NPLOC4: variants seen among roughly 807,000 people sequenced by gnomAD.
NPLOC4 encodes the protein NPL4 homolog, ubiquitin recognition factor, also known as nuclear protein localization protein 4 homolog.
NPLOC4 carries 18 observed loss-of-function variants against 80.6 expected under a neutral mutation model. That is an observed-to-expected ratio of 0.22 (90% CI 0.15 to 0.33). The LOEUF is 0.33. Ranked by LOEUF, NPLOC4 falls within the 10% of genes least tolerant of loss-of-function variation. The pLI is 1.00. For synonymous variants in NPLOC4, 313 were observed against 301.5 expected (o/e 1.04, Z -0.39); for missense variants, 540 against 786.1 (o/e 0.69, Z 3.74).
At chr17:81,569,769 C>T (rs1269014630) in intron 13 of NPLOC4, among the ~76,000 whole-genome samples, 1 of 152,224 alleles carries the variant, frequency 6.6e-6, no homozygotes. Flanking sequence ...CAGTCCTTCA[C>T]TGGCTCAGAC....
intron 12 of NPLOC4, among the ~76,000 whole-genome samples, chr17:81,579,897 A>AC (rs2034394419): frequency 6.8e-6 from 1 of 147,900 alleles, no homozygotes; most frequent in African/African-American, 2.5e-5. Flanking sequence ...CTGTGAGCTC[A>AC]CCCCCCATTC....
intron 1 of NPLOC4, 75 bp from the exon 2 acceptor site, chr17:81,629,880 G>C (rs2035886486): frequency 9.1e-7 from 1 of 1,100,582 alleles, no homozygotes; most frequent in South Asian, 1.3e-5. Flanking sequence ...TTCCATCTGT[G>C]GTCTTTTAGC....
intron 13 of NPLOC4, among the ~76,000 whole-genome samples, chr17:81,570,657 C>T (rs922173541): frequency 2.0e-5 from 3 of 152,302 alleles, no homozygotes; most frequent in African/African-American, 7.2e-5. Flanking sequence ...CAGATGATGC[C>T]CCCAGAACCC....
At position 81,617,016 on chromosome 17, in the gene NPLOC4, C is replaced by T. The variant is rs368473509; in HGVS notation, c.210-3522G>A. The stretch of plus-strand genomic sequence containing the variant: ...CAGCTAGACCGCATGCCAGGTCCCA[C>T]CGATGCATCTACAGCAATGCAGGGG... On this transcript the variant is annotated intron_variant, in intron 3 of 16. Coordinates refer to ENST00000331134, the MANE Select transcript of NPLOC4 (RefSeq NM_017921.4). Among the ~76,000 whole-genome samples the T allele has an allele frequency of 1.3e-3, 194 of 152,276 alleles. 6 individuals are homozygous for T. In the South Asian group the frequency reaches 0.039, roughly 31 times the overall value.
intron 13 of NPLOC4, 126 bp from the exon 14 acceptor site, chr17:81,569,237 A>G (rs1216979981): frequency 1.6e-6 from 1 of 643,032 alleles, no homozygotes; most frequent in Non-Finnish European, 2.8e-6. Flanking sequence ...AATGTTCTAC[A>G]AGCTCTCCAT....
At position 81,629,743 on chromosome 17, in the gene NPLOC4, T is replaced by C; in HGVS notation, c.78A>G (p.Ala26=). The C allele has an allele frequency of 1.9e-6, 3 of 1,613,742 alleles. No homozygotes were observed. Among genetic ancestry groups the C allele is most frequent in the Non-Finnish European group, 2.5e-6 (3 of 1,179,650 alleles). ...KRITATKRET[A]ATFLKKVAKE... ...CAGATACCTTTTTCAAAAATGTTGC[T>C]GCTGTTTCTCTCTTTGTTGCTGTGA... Residue 26 remains alanine, a synonymous_variant, in exon 2 of 17, where the codon GCA becomes GCG. Coordinates refer to ENST00000331134, the MANE Select transcript of NPLOC4 (RefSeq NM_017921.4).
chr17:81,572,029 A>C lies in NPLOC4; in HGVS notation c.1341T>G (p.Tyr447Ter). ...TQLARPLPVE[Y>*]LIIDITTTFP... ...GGGGGGCACTTACGTCTATGATGAG[A>C]TACTCCACAGGCAGGGGCCGGGCCA... The change falls in exon 13 of 17, where the codon TAT (tyrosine) becomes TAG (stop). Residue 447 changes from tyrosine to a stop codon, truncating the protein, a stop_gained. Coordinates refer to ENST00000331134, the MANE Select transcript of NPLOC4 (RefSeq NM_017921.4). LOFTEE classifies it high-confidence loss of function. The surrounding 1 kb of genome is among the most constrained non-coding windows in gnomAD (Gnocchi z 4.5). 1 of 1,601,236 alleles carries C rather than the reference A, an allele frequency of 6.2e-7. No individual in the cohort carries two copies. Among genetic ancestry groups the C allele is most frequent in the Non-Finnish European group, 8.5e-7 (1 of 1,173,068 alleles).
At position 81,599,840 on chromosome 17, in the gene NPLOC4, A is replaced by C. The variant is rs76207987; in HGVS notation, c.921+501T>G. On this transcript the variant is annotated intron_variant, in intron 9 of 16. Coordinates refer to ENST00000331134, the MANE Select transcript of NPLOC4 (RefSeq NM_017921.4). ...TTGTAGGCTCAGAGAGCTAAATTATAAACAGGAAATTAAATGATGATTGAT... is the reference window on the plus strand; with the variant it reads ...TTGTAGGCTCAGAGAGCTAAATTATCAACAGGAAATTAAATGATGATTGAT... 7.6e-3 allele frequency among the ~76,000 whole-genome samples: 1,159 copies of C among 152,348 alleles called. 8 individuals carry two copies. Among genetic ancestry groups the C allele is most frequent in the African/African-American group, 0.027 (1,110 of 41,578 alleles).
Position 81,616,333 on chromosome 17 carries a change from A to AAAAAAAAACAAAC in NPLOC4, c.210-2840_210-2839insGTTTGTTTTTTTT, listed in dbSNP as rs780878214. 2.6e-5 allele frequency among the ~76,000 whole-genome samples: 3 copies of AAAAAAAAACAAAC among 115,636 alleles called. 1 individual carries two copies. Among genetic ancestry groups the AAAAAAAAACAAAC allele is most frequent in the African/African-American group, 6.9e-5 (2 of 28,990 alleles). 75.9% of individuals were successfully genotyped at this position (115,636 alleles called of 152,430 possible). On this transcript the variant is annotated intron_variant, in intron 3 of 16. Coordinates refer to ENST00000331134, the MANE Select transcript of NPLOC4 (RefSeq NM_017921.4). ...AAGACTCTGTCTCAAAAAAAAAAAA[A>AAAAAAAAACAAAC]AAAAAGAAAAGCAAAGCTGCTAAAT...
chr17:81,598,087 T>A (rs2034967985), intron 9 of NPLOC4, among the ~76,000 whole-genome samples: 1 of 126,682 alleles, frequency 7.9e-6, no homozygotes. Flanking sequence ...AGAGCAAGAC[T>A]CTGTCTCAAA....
chr17:81,600,646 G>A (rs2035038121), intron 8 of NPLOC4, among the ~76,000 whole-genome samples: 2 of 152,148 alleles, frequency 1.3e-5, no homozygotes, highest in African/African-American at 4.8e-5. Context: ...AAAACATGTG[G>A]CATGCAGGGC....
At chr17:81,594,013 C>T (rs1794979980) in intron 11 of NPLOC4, among the ~76,000 whole-genome samples, 1 of 152,164 alleles carries the variant, frequency 6.6e-6, no homozygotes, top group Non-Finnish European at 1.5e-5. Flanking sequence ...GTGGCTCACG[C>T]CTGTAATCCC....
In NPLOC4 at chr17:81,558,742, A is replaced by G. The variant is rs1429791080; in HGVS notation, c.*517T>C. The G allele has an allele frequency of 6.5e-6, 1 of 152,710 alleles. No homozygotes were observed. The highest frequency in any genetic ancestry group is 1.9e-4 in the East Asian group (1 of 5,176). The allele number at this position is 152,710 out of a possible 1,614,324, so 9.5% of individuals were successfully genotyped here. ...GCAGAGGGGAGCCGTGTCCAGGGCC[A>G]CTGCGTCCCCACCAGACAACAGCTA... On this transcript the variant is annotated 3_prime_UTR_variant, in exon 17 of 17. Coordinates refer to ENST00000331134, the MANE Select transcript of NPLOC4 (RefSeq NM_017921.4).
chr17:81,622,392 C>T (rs986817735), intron 2 of NPLOC4, 114 bp from the exon 3 acceptor site: 3 of 766,016 alleles, frequency 3.9e-6, no homozygotes, highest in African/African-American at 3.5e-5. Context: ...AAGTGCCCAT[C>T]ATTTACCAAA....
In NPLOC4 at chr17:81,567,354, C is replaced by A; in HGVS notation, c.1566+63G>T. 1 of 974,942 alleles carries A rather than the reference C, an allele frequency of 1.0e-6. No individual in the cohort carries two copies. The highest frequency in any genetic ancestry group is 1.4e-5 in the South Asian group (1 of 72,604). The allele number at this position is 974,942 out of a possible 1,614,324, so 60.4% of individuals were successfully genotyped here. On this transcript the variant is annotated intron_variant, in intron 15 of 16. Coordinates refer to ENST00000331134, the MANE Select transcript of NPLOC4 (RefSeq NM_017921.4). The surrounding 1 kb of genome is among the most constrained non-coding windows in gnomAD (Gnocchi z 4.5). ...TGGTCTGGGAGGAAAGAAAGCAAGA[C>A]ACAGGCGTCTCTTTGCAGCCAAAGC...
intron 4 of NPLOC4, among the ~76,000 whole-genome samples, chr17:81,610,557 T>A (rs1179807799): frequency 1.3e-5 from 2 of 152,182 alleles, no homozygotes; most frequent in East Asian, 3.9e-4. Flanking sequence ...ACTCCAGGTG[T>A]ACACCACCAC....
At chr17:81,623,572 G>A (rs2035723169) in intron 2 of NPLOC4, among the ~76,000 whole-genome samples, 1 of 151,816 alleles carries the variant, frequency 6.6e-6, no homozygotes, top group South Asian at 2.1e-4. Flanking sequence ...GCCGAGGCAG[G>A]CGGATCATGA....
chr17:81,633,150 G>C (rs917751080), intron 1 of NPLOC4, among the ~76,000 whole-genome samples: 4 of 139,340 alleles, frequency 2.9e-5, no homozygotes, highest in African/African-American at 1.1e-4. Flanking sequence ...AAAAAGAAAA[G>C]AAATACAATT....
chr17:81,627,846 G>A (rs2035834433), intron 2 of NPLOC4, among the ~76,000 whole-genome samples: 1 of 152,014 alleles, frequency 6.6e-6, no homozygotes, highest in Non-Finnish European at 1.5e-5. Context: ...TGAGGCAGGA[G>A]AACTGCTGGA....
Sources: gnomAD v4.1 joint callset for allele counts (sites outside exome capture counted in the v4.1 genomes callset) on GRCh38, gnomAD v4.1.1 for gene constraint, Gnocchi (gnomAD v3.1) non-coding constraint, MANE v1.5 for transcripts, NCBI Gene and HGNC (gene_info 2026-07-23, HGNC 2026-07-21) for gene names.